The following FER variants were observed in gnomAD, a reference collection of about 807,000 sequenced individuals.
FER encodes the protein FER tyrosine kinase.
Under a neutral mutation model 111.0 loss-of-function variants are expected in FER, and 63 were observed. The observed-to-expected ratio is 0.57, with a 90% CI of 0.46 to 0.70. FER has a LOEUF of 0.70. Ranked by LOEUF, FER falls within the 30% of genes least tolerant of loss-of-function variation. The probability of loss-of-function intolerance (pLI) is 0.00; values close to 1 mark genes in which losing one functional copy is unlikely to be tolerated. For missense variants in FER, 914 were observed against 954.0 expected (o/e 0.96, Z 0.55); for synonymous variants, 327 against 313.9 (o/e 1.04, Z -0.44).
intron 3 of FER, among the ~76,000 whole-genome samples, chr5:108,806,379 C>T (rs1401198035): frequency 1.3e-5 from 2 of 152,178 alleles, no homozygotes; most frequent in Non-Finnish European, 2.9e-5. Flanking sequence ...GGGGTTGGAG[C>T]CCCCACACAG....
intron 15 of FER, 72 bp from the exon 16 acceptor site, chr5:109,047,032 C>A (rs1054635026): frequency 2.5e-6 from 2 of 796,444 alleles, no homozygotes; most frequent in Non-Finnish European, 4.1e-6. Context: ...TAGTTGTAAA[C>A]CCTATTTGTG....
chr5:108,994,076 C>T (rs541301329), intron 13 of FER, among the ~76,000 whole-genome samples: 1 of 152,284 alleles, frequency 6.6e-6, no homozygotes, highest in South Asian at 2.1e-4. Flanking sequence ...TGTAGGTCGT[C>T]TGTTCACTCT....
intron 9 of FER, among the ~76,000 whole-genome samples, chr5:108,891,947 A>G (rs1158606149): frequency 5.3e-5 from 8 of 152,062 alleles, no homozygotes; most frequent in African/African-American, 4.8e-5. Context: ...TAGTTTGCTG[A>G]GAATGATGGT....
rs1278453018 is a variant in FER, at chr5:108,794,532, C to CG, written c.-59-3592_-59-3591insG. 2.0e-4 allele frequency among the ~76,000 whole-genome samples: 27 copies of CG among 132,034 alleles called. 2 individuals are homozygous for CG. Among genetic ancestry groups the CG allele is most frequent in the Admixed American group, 7.7e-4 (10 of 13,016 alleles). 86.6% of individuals were successfully genotyped at this position (132,034 alleles called of 152,430 possible). A position where few individuals can be genotyped will look rare whatever the true frequency, so the allele number is the denominator to read the frequency against. ...CTGTGCTTGCCCCCTCCGCACCCCC[C>CG]CCCCTCCCCGCACCTTAACATTTCT... On this transcript the variant is annotated intron_variant, in intron 2 of 19. Transcript: ENST00000281092.
At chr5:109,160,583 A>G (rs1561973395) in intron 17 of FER, among the ~76,000 whole-genome samples, 1 of 152,004 alleles carries the variant, frequency 6.6e-6, no homozygotes, top group Non-Finnish European at 1.5e-5. Flanking sequence ...AATTCATCCA[A>G]TCCTGGTTCA....
chr5:108,894,885 A>G (rs533448898), intron 9 of FER, among the ~76,000 whole-genome samples: 8 of 152,190 alleles, frequency 5.3e-5, no homozygotes, highest in South Asian at 2.1e-4. Context: ...TCATGTTTCA[A>G]TTACCTCCCA....
chr5:108,757,828 A>G (rs10477931), intron 1 of FER, among the ~76,000 whole-genome samples: 2 of 152,002 alleles, frequency 1.3e-5, no homozygotes, highest in Non-Finnish European at 2.9e-5. Context: ...GGGGTTTGCT[A>G]TGGTGACTAT....
At chr5:108,806,186 G>A (rs1185275574) in intron 3 of FER, among the ~76,000 whole-genome samples, 2 of 152,194 alleles carry the variant, frequency 1.3e-5, no homozygotes, top group Non-Finnish European at 2.9e-5. Context: ...CAAGCTCCAA[G>A]CCTTGGCAGC....
chr5:109,146,253 A>ATATATATATATATATAT (rs1491409370), intron 17 of FER, among the ~76,000 whole-genome samples: 9 of 42,130 alleles, frequency 2.1e-4, no homozygotes, highest in African/African-American at 8.2e-4. Context: ...TAATCTATCT[A>ATATATATATATATATAT]ATATATATAT....
Position 108,835,795 on chromosome 5 carries a change from G to T in FER, c.469G>T (p.Ala157Ser). ...TTCTGCCAAAGAGAAATATAAAGAAGCTTTAGCTAAAGGTAAGGCAAAATT... is the reference window on the plus strand; with the variant it reads ...TTCTGCCAAAGAGAAATATAAAGAATCTTTAGCTAAAGGTAAGGCAAAATT... ...MNSAKEKYKE[A>S]LAKGKETEKA... The change falls in exon 5 of 20, where the codon GCT (alanine) becomes TCT (serine). Residue 157 changes from alanine to serine, a missense_variant. This residue lies in a region of FER where 774 missense variants were observed against 782.6 expected (regional missense o/e 0.99). Coordinates refer to ENST00000281092, the MANE Select transcript of FER (RefSeq NM_005246.4). 1 of 1,544,454 alleles carries T rather than the reference G, an allele frequency of 6.5e-7. No homozygotes were observed. Among genetic ancestry groups the T allele is most frequent in the South Asian group, 1.2e-5 (1 of 80,644 alleles).
chr5:109,175,756 CATT>C (rs1286902848), intron 17 of FER, among the ~76,000 whole-genome samples: 22 of 152,200 alleles, frequency 1.4e-4, no homozygotes, highest in African/African-American at 4.8e-4. Flanking sequence ...CAACACTAAT[CATT>C]ATGGAAATGC....
At chr5:109,138,261 A>T (rs1165883180) in intron 17 of FER, among the ~76,000 whole-genome samples, 2 of 151,934 alleles carry the variant, frequency 1.3e-5, no homozygotes, top group African/African-American at 2.4e-5. Context: ...TTATTATCTT[A>T]TTTTTTTTGT....
At chr5:109,006,745 GT>G (rs1339943983) in intron 13 of FER, among the ~76,000 whole-genome samples, 1 of 151,966 alleles carries the variant, frequency 6.6e-6, no homozygotes, top group Non-Finnish European at 1.5e-5. Context: ...TGTAATCTAA[GT>G]TTTTGAACAA....
At chr5:109,099,725 GTAA>G (rs1234264946) in intron 16 of FER, among the ~76,000 whole-genome samples, 1 of 151,364 alleles carries the variant, frequency 6.6e-6, no homozygotes, top group Non-Finnish European at 1.5e-5. Context: ...GTGGCTACTA[GTAA>G]ACTTCAAATT....
chr5:108,758,818 C>T (rs541372378), intron 1 of FER, among the ~76,000 whole-genome samples: 2 of 152,156 alleles, frequency 1.3e-5, no homozygotes, highest in Middle Eastern at 3.4e-3. Flanking sequence ...ATACTGTGAC[C>T]CTGGAAGGAG....
chr5:109,119,992 G>C (rs1045574369), intron 17 of FER, among the ~76,000 whole-genome samples: 12 of 151,972 alleles, frequency 7.9e-5, no homozygotes, highest in African/African-American at 2.7e-4. Flanking sequence ...TTCCTATAGA[G>C]TTGTCTGAGC....
intron 10 of FER, among the ~76,000 whole-genome samples, chr5:108,902,895 C>A (rs1750236856): frequency 6.7e-6 from 1 of 149,968 alleles, no homozygotes; most frequent in African/African-American, 2.4e-5. Context: ...CAGCTGCTTT[C>A]TTATTATATT....
At chr5:109,051,912 A>G in intron 16 of FER, 2 of 1,570,746 alleles carry the variant, frequency 1.3e-6, no homozygotes, top group African/African-American at 1.3e-5. Flanking sequence ...AAGTGTGAAC[A>G]GCACTCAAGC....
chr5:108,799,305 C>A (rs1045132926), intron 3 of FER, among the ~76,000 whole-genome samples: 5 of 152,262 alleles, frequency 3.3e-5, no homozygotes, highest in South Asian at 2.1e-4. Context: ...TTTGTTACTT[C>A]CAGTGTCTTA....
Sources: allele counts gnomAD v4.1 joint callset (sites outside exome capture counted in the v4.1 genomes callset), GRCh38; gene constraint gnomAD v4.1.1; regional missense constraint gnomAD v4.1.1; transcripts MANE v1.5; gene names NCBI Gene and HGNC (gene_info 2026-07-23, HGNC 2026-07-21).